Variants in DENND1B observed in about 807,000 individuals in gnomAD.
DENND1B encodes the protein DENN domain containing 1B, also known as DENN domain-containing protein 1B.
A neutral mutation model predicts 90.1 loss-of-function variants in DENND1B; 59 were observed. The observed-to-expected ratio is 0.65, with a 90% CI of 0.53 to 0.81. The LOEUF is 0.81. Among genes scored for constraint, DENND1B ranks in the 40% least tolerant of loss-of-function variants. The pLI, the probability that DENND1B is intolerant of heterozygous loss-of-function variation, is 0.00. For synonymous variants in DENND1B, 337 were observed against 324.6 expected (o/e 1.04, Z -0.41); for missense variants, 862 against 912.6 (o/e 0.94, Z 0.71).
At chr1:197,565,199 T>C (rs1672523264) in intron 15 of DENND1B, among the ~76,000 whole-genome samples, 1 of 152,030 alleles carries the variant, frequency 6.6e-6, no homozygotes, top group South Asian at 2.1e-4. Flanking sequence ...TAGAAATCTG[T>C]AACAATTTTT....
chr1:197,734,017 AATT>A (rs1662397675), intron 2 of DENND1B: 1 of 842,198 alleles, frequency 1.2e-6, no homozygotes, highest in African/African-American at 1.8e-5. Flanking sequence ...AATTACAAGA[AATT>A]ATATTTTATT....
chr1:197,512,122 A>G (rs1668072342), intron 21 of DENND1B, among the ~76,000 whole-genome samples, 178 bp from the exon 22 acceptor site: 1 of 151,740 alleles, frequency 6.6e-6, no homozygotes, highest in Non-Finnish European at 1.5e-5. Flanking sequence ...TATTTTGTGC[A>G]TGCATTAAGA....
chr1:197,776,211 G>T (rs1657260166), upstream of DENND1B, among the ~76,000 whole-genome samples: 1 of 152,184 alleles, frequency 6.6e-6, no homozygotes, highest in Admixed American at 6.5e-5. Flanking sequence ...TGTGAAGCAG[G>T]TTATGTGCAC....
chr1:197,680,218 T>C (rs529937296), intron 3 of DENND1B, among the ~76,000 whole-genome samples: 3 of 152,198 alleles, frequency 2.0e-5, no homozygotes, highest in East Asian at 1.9e-4. Flanking sequence ...AAAAAGACAT[T>C]TGGGAAGACT....
chr1:197,751,827 G>C (rs1653560587), intron 2 of DENND1B, among the ~76,000 whole-genome samples: 1 of 146,768 alleles, frequency 6.8e-6, no homozygotes, highest in Non-Finnish European at 1.5e-5. Flanking sequence ...CTGGGAAACA[G>C]AGACAGGGGA....
At chr1:197,765,829 G>C (rs1390689315) in intron 2 of DENND1B, among the ~76,000 whole-genome samples, 1 of 152,138 alleles carries the variant, frequency 6.6e-6, no homozygotes, top group African/African-American at 2.4e-5. Context: ...TAATGAGAAA[G>C]TGATAACCAA....
intron 5 of DENND1B, among the ~76,000 whole-genome samples, chr1:197,661,128 T>C (rs551003597): frequency 6.6e-6 from 1 of 152,232 alleles, no homozygotes; most frequent in South Asian, 2.1e-4. Context: ...AAATTACTAT[T>C]GGTAATCTCA....
chr1:197,521,036 A>T (rs1668740442), intron 20 of DENND1B, among the ~76,000 whole-genome samples: 1 of 151,974 alleles, frequency 6.6e-6, no homozygotes, highest in African/African-American at 2.4e-5. Flanking sequence ...ACAGGTGGAC[A>T]CTAAGTGAAA....
intron 2 of DENND1B, among the ~76,000 whole-genome samples, chr1:197,725,643 A>C (rs989640207): frequency 1.3e-5 from 2 of 152,030 alleles, no homozygotes; most frequent in African/African-American, 4.8e-5. Context: ...CTTGAAAAAA[A>C]AAGTTATATT....
intron 11 of DENND1B, among the ~76,000 whole-genome samples, chr1:197,617,364 A>G (rs1338387640): frequency 6.6e-6 from 1 of 151,138 alleles, no homozygotes; most frequent in African/African-American, 2.4e-5. Flanking sequence ...ACTTCTATAC[A>G]GTTTTCCTAA....
chr1:197,581,838 TG>T (rs1381371890), intron 15 of DENND1B, among the ~76,000 whole-genome samples: 2 of 152,206 alleles, frequency 1.3e-5, no homozygotes, highest in Non-Finnish European at 2.9e-5. Context: ...GTTTTGATAA[TG>T]GAAGATAGTG....
chr1:197,577,520 G>T (rs574285448), intron 15 of DENND1B, among the ~76,000 whole-genome samples: 1 of 152,252 alleles, frequency 6.6e-6, no homozygotes, highest in East Asian at 1.9e-4. Context: ...TTTTGCCGTG[G>T]TCCTTAGCCA....
intron 10 of DENND1B, among the ~76,000 whole-genome samples, chr1:197,620,617 A>G (rs1199435304): frequency 6.6e-6 from 1 of 151,318 alleles, no homozygotes; most frequent in Non-Finnish European, 1.5e-5. Context: ...CTAAAAGTTT[A>G]AGTGCTTTAA....
chr1:197,654,035 A>C (rs1383648555), intron 6 of DENND1B, among the ~76,000 whole-genome samples: 2 of 152,190 alleles, frequency 1.3e-5, no homozygotes, highest in Non-Finnish European at 1.5e-5. Context: ...TGATGTTAAG[A>C]TATACTTCAT....
chr1:197,692,107 C>T lies in DENND1B; in HGVS notation c.127-17938G>A, dbSNP rs1249134674. ...TTAACAATTTGTTTATAGAGTAGAT[C>T]TCATGTATCTGTGCCTCCACAATAA... On this transcript the variant is annotated intron_variant, in intron 3 of 22. Coordinates refer to ENST00000620048, the MANE Select transcript of DENND1B (RefSeq NM_001195215.2). 2.0e-5 allele frequency among the ~76,000 whole-genome samples: 3 copies of T among 151,446 alleles called. No homozygotes were observed. The East Asian group carries it at 5.8e-4, about 29-fold the overall frequency.
Position 197,693,868 on chromosome 1 carries a change from T to C in DENND1B, c.127-19699A>G, listed in dbSNP as rs1424841235. 4.0e-5 allele frequency among the ~76,000 whole-genome samples: 6 copies of C among 151,602 alleles called. No individual in the cohort carries two copies. The South Asian group carries it at 8.3e-4, about 21-fold the overall frequency. ...CCAGAACTATGGCCTACAACTGTCA[T>C]TAAGCCTTATAACAATAACAAGATA... On this transcript the variant is annotated intron_variant, in intron 3 of 22. Coordinates refer to ENST00000620048, the MANE Select transcript of DENND1B (RefSeq NM_001195215.2).
chr1:197,592,236 TAGAG>T (rs1048541548), intron 14 of DENND1B, among the ~76,000 whole-genome samples: 2 of 151,648 alleles, frequency 1.3e-5, no homozygotes, highest in African/African-American at 2.4e-5. Context: ...CTTCACTAGC[TAGAG>T]AAACAGTGAG....
At chr1:197,573,762 T>A (rs1673391003) in intron 15 of DENND1B, among the ~76,000 whole-genome samples, 2 of 152,146 alleles carry the variant, frequency 1.3e-5, no homozygotes, top group East Asian at 1.9e-4. Flanking sequence ...CACTATCAAG[T>A]CGGCTTCATC....
intron 20 of DENND1B, among the ~76,000 whole-genome samples, chr1:197,520,968 G>A (rs181221742): frequency 6.6e-6 from 1 of 151,976 alleles, no homozygotes; most frequent in African/African-American, 2.4e-5. Flanking sequence ...AATGAAAAAG[G>A]CTATCAGCAT....
Sources: allele counts gnomAD v4.1 joint callset (sites outside exome capture counted in the v4.1 genomes callset), GRCh38; gene constraint gnomAD v4.1.1; transcripts MANE v1.5; gene names NCBI Gene and HGNC (gene_info 2026-07-23, HGNC 2026-07-21).